The following EYA3 variants were observed in gnomAD, a reference collection of about 807,000 sequenced individuals.
EYA3 encodes EYA transcriptional coactivator and phosphatase 3, also known as protein phosphatase EYA3.
EYA3 carries 39 observed loss-of-function variants against 80.0 expected under a neutral mutation model. The ratio of observed to expected loss-of-function variants is 0.49; its 90% confidence interval spans 0.38 to 0.64. EYA3 has a LOEUF of 0.64. EYA3 is among the 30% of genes least tolerant of loss of function. EYA3 has a pLI of 0.00. For synonymous variants in EYA3, 206 were observed against 232.8 expected, an observed-to-expected ratio of 0.88 and a Z score of 1.05; for missense variants, 523 against 676.1, an observed-to-expected ratio of 0.77 and a Z score of 2.51.
At position 28,025,920 on chromosome 1, in the gene EYA3, C is replaced by T. The variant is rs570775765; in HGVS notation, c.499+1869G>A. Among the ~76,000 whole-genome samples the T allele has an allele frequency of 3.9e-5, 6 of 152,264 alleles. No individual in the cohort carries two copies. The East Asian group carries it at 5.8e-4, about 15-fold the overall frequency. On this transcript the variant is annotated intron_variant, in intron 7 of 17. Transcript: ENST00000373871. ...GGATACAGGCATGCGCCACCACACC[C>T]GGCTACTTTTGTATTTTTAGTAGAG...
chr1:27,993,263 T>G (rs1343487282), intron 14 of EYA3, 137 bp downstream of exon 14: 2 of 927,634 alleles, frequency 2.2e-6, no homozygotes, highest in African/African-American at 3.5e-5. Flanking sequence ...ACCTCTATTT[T>G]TTTAAATACA....
chr1:28,061,754 C>G (rs142270962), intron 1 of EYA3, among the ~76,000 whole-genome samples: 2,330 of 152,252 alleles, frequency 0.015, 46 homozygotes, highest in Middle Eastern at 0.051. Flanking sequence ...CGCCCGCCAC[C>G]ACGCCCGGCT....
In EYA3 at chr1:28,079,309, A is replaced by G. The variant is rs1571975819; in HGVS notation, c.-69+9215T>C. Among the ~76,000 whole-genome samples, 3 of 152,376 alleles carry G rather than the reference A, an allele frequency of 2.0e-5. No homozygotes were observed. The Middle Eastern group carries it at 0.01, about 518-fold the overall frequency. Reference sequence around the variant, plus strand: ...TACAGGAAACGAATTGGGACAATACATAAATGTAATCCACTGTCGCAAACC... The same window carrying G: ...TACAGGAAACGAATTGGGACAATACGTAAATGTAATCCACTGTCGCAAACC... On this transcript the variant is annotated intron_variant, in intron 1 of 17. Transcript: ENST00000373871.
intron 10 of EYA3, among the ~76,000 whole-genome samples, chr1:28,008,060 A>G (rs1390709447): frequency 6.6e-6 from 1 of 152,188 alleles, no homozygotes; most frequent in Non-Finnish European, 1.5e-5. Context: ...CCGAGAGTCT[A>G]AAAATAAAGC....
chr1:27,982,771 A>C (rs1639396569), intron 16 of EYA3, among the ~76,000 whole-genome samples: 1 of 151,726 alleles, frequency 6.6e-6, no homozygotes, highest in Admixed American at 6.6e-5. Flanking sequence ...TTTTTTGCAG[A>C]GATGGGGTTT....
intron 14 of EYA3, chr1:27,990,219 T>C (rs1016324967): frequency 5.8e-6 from 1 of 172,856 alleles, no homozygotes; most frequent in Admixed American, 5.9e-5. Flanking sequence ...AGGGTACAGA[T>C]GTTCAAGCAC....
intron 1 of EYA3, among the ~76,000 whole-genome samples, chr1:28,080,081 T>C (rs531789340): frequency 4.6e-5 from 7 of 152,330 alleles, no homozygotes; most frequent in African/African-American, 1.7e-4. Flanking sequence ...TCTAATGTAT[T>C]CCCGTAGTAA....
chr1:28,088,125 G>A (rs1359190113), intron 1 of EYA3, among the ~76,000 whole-genome samples: 2 of 151,554 alleles, frequency 1.3e-5, no homozygotes, highest in Non-Finnish European at 2.9e-5. Context: ...TGAGCACAAT[G>A]AGAAGCTGGG....
rs151007309 is a variant in EYA3, at chr1:28,041,620, G to A, written c.157+951C>T. Among the ~76,000 whole-genome samples the A allele has an allele frequency of 1.1e-3, 167 of 152,088 alleles. 1 individual carries two copies. Among genetic ancestry groups the A allele is most frequent in the African/African-American group, 3.9e-3 (160 of 41,522 alleles). On this transcript the variant is annotated intron_variant, in intron 4 of 17. Coordinates refer to ENST00000373871, the MANE Select transcript of EYA3 (RefSeq NM_001990.4). ...GACAGTCTAAAGTAAAAATAGAAAGGTAGGGGAAGGTATAGATGTAGACTT... is the reference window on the plus strand; with the variant it reads ...GACAGTCTAAAGTAAAAATAGAAAGATAGGGGAAGGTATAGATGTAGACTT...
intron 2 of EYA3, among the ~76,000 whole-genome samples, chr1:28,051,107 T>C (rs1462116832): frequency 1.3e-5 from 2 of 152,106 alleles, no homozygotes; most frequent in East Asian, 1.9e-4. Flanking sequence ...AGGACAGTAG[T>C]AGGACAGTAA....
At chr1:28,000,966 G>T (rs1273177231) in intron 11 of EYA3, among the ~76,000 whole-genome samples, 3 of 152,126 alleles carry the variant, frequency 2.0e-5, no homozygotes, top group Admixed American at 1.3e-4. Flanking sequence ...TTGGAAGGCT[G>T]AGGTGGGAGA....
At position 28,045,902 on chromosome 1, in the gene EYA3, G is replaced by A. The variant is rs145737634; in HGVS notation, c.77+2481C>T. Among the ~76,000 whole-genome samples the A allele has an allele frequency of 4.4e-3, 675 of 152,122 alleles. 4 individuals are homozygous for A. The highest frequency in any genetic ancestry group is 0.016 in the African/African-American group (644 of 41,512). Reference sequence around the variant, plus strand: ...ACAGATGAATGGATAAAGAAAATGCGGAACAGACATACAATGGAGTATTAT... The same window carrying A: ...ACAGATGAATGGATAAAGAAAATGCAGAACAGACATACAATGGAGTATTAT... On this transcript the variant is annotated intron_variant, in intron 3 of 17. Transcript: ENST00000373871.
intron 6 of EYA3, among the ~76,000 whole-genome samples, chr1:28,035,323 A>T (rs1337845159): frequency 1.3e-5 from 2 of 152,218 alleles, no homozygotes; most frequent in African/African-American, 2.4e-5. Context: ...ACACTTAAAG[A>T]TTCCAAGCTT....
intron 2 of EYA3, among the ~76,000 whole-genome samples, chr1:28,049,077 GA>G (rs1485834485): frequency 2.0e-5 from 3 of 152,110 alleles, no homozygotes; most frequent in Non-Finnish European, 2.9e-5. Context: ...GGTTGTAGTA[GA>G]AACATGTCTA....
chr1:27,978,351 CT>C, intron 17 of EYA3, 22 bp downstream of exon 17: 1 of 1,564,294 alleles, frequency 6.4e-7, no homozygotes, highest in Non-Finnish European at 8.8e-7. Context: ...ACCACATAGA[CT>C]ATTTTTCTTT....
chr1:28,022,171 CAG>C (rs1476504813), intron 7 of EYA3, among the ~76,000 whole-genome samples: 1 of 151,998 alleles, frequency 6.6e-6, no homozygotes, highest in Non-Finnish European at 1.5e-5. Context: ...TTTTTTGAGA[CAG>C]AGTCTCGCTC....
chr1:28,061,591 G>GT (rs61325259), intron 1 of EYA3, among the ~76,000 whole-genome samples: 38,407 of 144,762 alleles, frequency 0.27, 4,874 homozygotes, highest in Non-Finnish European at 0.29. Context: ...AATTTAACGT[G>GT]TTTTTTTTTT....
chr1:28,054,867 A>C (rs1473112877), intron 2 of EYA3, among the ~76,000 whole-genome samples: 1 of 152,122 alleles, frequency 6.6e-6, no homozygotes, highest in Non-Finnish European at 1.5e-5. Flanking sequence ...AACAAAAAGA[A>C]ATGTTTCACT....
intron 1 of EYA3, among the ~76,000 whole-genome samples, chr1:28,062,657 G>GGGGTGTGTGTGTGTGT (rs111612303): frequency 4.2e-5 from 6 of 141,528 alleles, no homozygotes; most frequent in East Asian, 4.1e-4. Context: ...AATATATGTA[G>GGGGTGTGTGTGTGTGT]GTGTGTGTGT....
Sources: gnomAD v4.1 joint callset for allele counts (sites outside exome capture counted in the v4.1 genomes callset) on GRCh38, gnomAD v4.1.1 for gene constraint, MANE v1.5 for transcripts, NCBI Gene and HGNC (gene_info 2026-07-23, HGNC 2026-07-21) for gene names.